Variants in NFIA observed in about 807,000 individuals in gnomAD.
NFIA encodes the protein nuclear factor I A.
A neutral mutation model predicts 62.8 loss-of-function variants in NFIA; 8 were observed. The observed-to-expected ratio is 0.13, with a 90% CI of 0.07 to 0.23. The LOEUF is 0.23. Ranked by LOEUF, NFIA falls within the 10% of genes least tolerant of loss-of-function variation. The pLI is 1.00. For synonymous variants in NFIA, 235 were observed against 238.1 expected (o/e 0.99, Z 0.12); for missense variants, 410 against 642.1 (o/e 0.64, Z 3.91).
At chr1:61,146,631 G>A (rs1269546934) in intron 2 of NFIA, among the ~76,000 whole-genome samples, 1 of 152,156 alleles carries the variant, frequency 6.6e-6, no homozygotes, top group Non-Finnish European at 1.5e-5. Context: ...CTGTGTTTGT[G>A]ATTCTGTGTC....
intron 2 of NFIA, among the ~76,000 whole-genome samples, chr1:61,152,611 A>T (rs1211273577): frequency 2.0e-5 from 3 of 152,202 alleles, no homozygotes; most frequent in Admixed American, 6.5e-5. Flanking sequence ...GTTTTCTCTA[A>T]GACTTTCCAA....
At chr1:61,107,788 G>T (rs1165472757) in intron 2 of NFIA, among the ~76,000 whole-genome samples, 1 of 151,492 alleles carries the variant, frequency 6.6e-6, no homozygotes, top group Non-Finnish European at 1.5e-5. Context: ...TATCTTTTAA[G>T]TGTTCATCTC....
At chr1:61,342,502 A>G (rs781112659) in intron 4 of NFIA, among the ~76,000 whole-genome samples, 5 of 152,202 alleles carry the variant, frequency 3.3e-5, no homozygotes, top group Non-Finnish European at 7.3e-5. Context: ...CAGAAAATCA[A>G]TTTCAGCCCC....
At chr1:61,353,821 C>T (rs2100433002) in intron 5 of NFIA, among the ~76,000 whole-genome samples, 1 of 152,208 alleles carries the variant, frequency 6.6e-6, no homozygotes. Flanking sequence ...AGTATCAGCT[C>T]CTCAGGGGGA....
At chr1:61,351,493 A>G (rs1430233896) in intron 4 of NFIA, among the ~76,000 whole-genome samples, 2 of 152,192 alleles carry the variant, frequency 1.3e-5, no homozygotes, top group Non-Finnish European at 2.9e-5. Context: ...TACAGTATCT[A>G]TTGTTCCTGC....
intron 10 of NFIA, among the ~76,000 whole-genome samples, chr1:61,440,096 A>G (rs1302794320): frequency 2.0e-5 from 3 of 152,226 alleles, no homozygotes; most frequent in Admixed American, 2.0e-4. Context: ...GAGTCAATCC[A>G]TATTTTAATG....
At chr1:61,405,349 C>T (rs1196724023) in intron 8 of NFIA, among the ~76,000 whole-genome samples, 1 of 152,180 alleles carries the variant, frequency 6.6e-6, no homozygotes, top group Admixed American at 6.5e-5. Context: ...TCAGAAATAA[C>T]GCAAAGGCAA....
upstream of NFIA, chr1:61,081,830 C>CGGAGCG: frequency 6.7e-7 from 1 of 1,498,764 alleles, no homozygotes; most frequent in East Asian, 2.6e-5. Flanking sequence ...GCCGACGAAT[C>CGGAGCG]TATTCCCACA....
chr1:61,318,344 C>T (rs188472521), intron 3 of NFIA, among the ~76,000 whole-genome samples: 1 of 152,246 alleles, frequency 6.6e-6, no homozygotes, highest in Admixed American at 6.5e-5. Context: ...ATGTTGGAAT[C>T]CGTGGTTGCA....
chr1:61,294,822 CT>C (rs1335809506), intron 3 of NFIA, among the ~76,000 whole-genome samples: 7 of 152,188 alleles, frequency 4.6e-5, no homozygotes. Context: ...GAGTCTGTCG[CT>C]GGTAAGATGG....
intron 10 of NFIA, among the ~76,000 whole-genome samples, chr1:61,430,780 C>T (rs1244564949): frequency 6.6e-6 from 1 of 152,156 alleles, no homozygotes; most frequent in Non-Finnish European, 1.5e-5. Context: ...TGGCTTTCGG[C>T]TTTGTTCGAA....
rs188633878 is a variant in NFIA at position 61,309,154 on chromosome 1, C to T, written c.626-23358C>T. On this transcript the variant is annotated intron_variant, in intron 3 of 10. Transcript: ENST00000403491. Reference sequence around the variant, plus strand: ...AAAGCCTTTCCTTCTTTCGTCTGAGCTCTAACACTTTGTACGTTGTAGTAA... The same window carrying T: ...AAAGCCTTTCCTTCTTTCGTCTGAGTTCTAACACTTTGTACGTTGTAGTAA... Among the ~76,000 whole-genome samples, 246 of 152,272 alleles carry T rather than the reference C, an allele frequency of 1.6e-3. 1 individual carries two copies. Among genetic ancestry groups the T allele is most frequent in the Non-Finnish European group, 2.6e-3 (179 of 68,034 alleles).
At chr1:61,237,542 A>G (rs1035278926) in intron 2 of NFIA, among the ~76,000 whole-genome samples, 1 of 152,270 alleles carries the variant, frequency 6.6e-6, no homozygotes, top group African/African-American at 2.4e-5. Flanking sequence ...GGTAAAAGCA[A>G]GTAAACAAAC....
chr1:61,273,487 G>T (rs762080514), intron 2 of NFIA, among the ~76,000 whole-genome samples: 1 of 152,112 alleles, frequency 6.6e-6, no homozygotes, highest in East Asian at 1.9e-4. Context: ...GACTTTTTGC[G>T]CTCCTTTCTC....
intron 8 of NFIA, among the ~76,000 whole-genome samples, chr1:61,405,746 C>T (rs1029456355): frequency 6.6e-6 from 1 of 152,156 alleles, no homozygotes; most frequent in Non-Finnish European, 1.5e-5. Context: ...AGGCAGGTCT[C>T]TTCATGAAAC....
intron 3 of NFIA, among the ~76,000 whole-genome samples, chr1:61,283,977 A>C (rs1269516953): frequency 6.6e-6 from 1 of 152,212 alleles, no homozygotes; most frequent in Non-Finnish European, 1.5e-5. Context: ...TTTTACTGGG[A>C]AAGAAGGAGC....
chr1:61,317,939 G>C (rs924221386), intron 3 of NFIA, among the ~76,000 whole-genome samples: 4 of 152,026 alleles, frequency 2.6e-5, no homozygotes, highest in African/African-American at 9.7e-5. Context: ...CATTTTACAG[G>C]TGTGGAAATT....
chr1:61,291,454 T>G (rs1658876932), intron 3 of NFIA, among the ~76,000 whole-genome samples: 1 of 152,236 alleles, frequency 6.6e-6, no homozygotes. Flanking sequence ...GATTTTTTTC[T>G]GTGCATTCAT....
At position 61,088,226 on chromosome 1, in the gene NFIA, C is replaced by T. The variant is rs1226324928; in HGVS notation, c.105C>T (p.Ala35=). 1.1e-5 allele frequency: 17 copies of T among 1,613,156 alleles called. No homozygotes were observed. Residue 35 remains alanine, a synonymous_variant, in exon 2 of 11, where the codon GCC becomes GCT. Coordinates refer to ENST00000403491, the MANE Select transcript of NFIA (RefSeq NM_001134673.4). This position sits in a 1 kb window ranked among gnomAD's most constrained non-coding sequence, Gnocchi z 4.5. ...AFAYTWFNLQ[A]RKRKYFKKHE... is the part of the protein sequence containing the mutation. ...CCTACACATGGTTCAACCTGCAGGC[C>T]CGAAAACGAAAATACTTCAAAAAAC... is the stretch of plus-strand genomic sequence containing the variant.
Sources: allele counts gnomAD v4.1 joint callset (sites outside exome capture counted in the v4.1 genomes callset), GRCh38; gene constraint gnomAD v4.1.1; non-coding constraint Gnocchi (gnomAD v3.1); transcripts MANE v1.5; gene names NCBI Gene and HGNC (gene_info 2026-07-23, HGNC 2026-07-21).